Variants in LAMA1 observed in about 807,000 individuals in gnomAD.
The protein encoded by LAMA1 is laminin subunit alpha-1.
A neutral mutation model predicts 348.7 loss-of-function variants in LAMA1; 219 were observed. The observed-to-expected ratio is 0.63, with a 90% CI of 0.56 to 0.70. The LOEUF (loss-of-function observed/expected upper bound fraction) is 0.70. LAMA1 is among the 30% of genes least tolerant of loss of function. The pLI is 0.00. For missense variants in LAMA1, 3,744 were observed against 3,888.0 expected (o/e 0.96, Z 0.99); for synonymous variants, 1,487 against 1,491.0 (o/e 1.00, Z 0.06).
chr18:6,979,091 T>G (rs950558544), intron 42 of LAMA1, among the ~76,000 whole-genome samples: 1 of 152,208 alleles, frequency 6.6e-6, no homozygotes, highest in South Asian at 2.1e-4. Context: ...GGTGGCCTTT[T>G]TACTTTTCCT....
intron 40 of LAMA1, 149 bp from the exon 41 acceptor site, chr18:6,982,739 C>T (rs1279117798): frequency 5.4e-6 from 4 of 740,462 alleles, no homozygotes; most frequent in Non-Finnish European, 7.2e-6. Flanking sequence ...TTTAAAATGG[C>T]TGAGGCAAGA....
Position 7,026,075 on chromosome 18 carries a change from C to T in LAMA1, c.2306G>A (p.Cys769Tyr), listed in dbSNP as rs2057941739. The T allele has an allele frequency of 1.9e-6, 3 of 1,611,470 alleles. No individual in the cohort carries two copies. The highest frequency in any genetic ancestry group is 1.7e-6 in the Non-Finnish European group (2 of 1,178,716). The change falls in exon 17 of 63, where the codon TGT (cysteine) becomes TAT (tyrosine). Residue 769 changes from cysteine (C) to tyrosine (Y), a missense_variant. Around this residue, in one of 3 missense-constraint regions of LAMA1, gnomAD observed 1,529 missense variants for 1,689.4 expected, o/e 0.91. Coordinates refer to ENST00000389658, the MANE Select transcript of LAMA1 (RefSeq NM_005559.4). ...ACAHNTTGVH[C>Y]EQCLPGFYGE... The stretch of plus-strand genomic sequence containing the variant: ...GTAGAAGCCGGGCAAGCACTGCTCA[C>T]AGTGGACGCCGGTGGTGTTGTGCGC...
rs779998675 is a variant in LAMA1 at position 6,943,241 on chromosome 18, A to C, written c.9006T>G (p.Ser3002Arg). The change falls in exon 62 of 63, where the codon AGT becomes AGG. Residue 3002 changes from serine to arginine, a missense_variant. Physicochemically the swap from Ser to Arg is moderately radical, Grantham distance 110. Around this residue, in one of 3 missense-constraint regions of LAMA1, gnomAD observed 232 missense variants for 264.4 expected, o/e 0.88. Coordinates refer to ENST00000389658, the MANE Select transcript of LAMA1 (RefSeq NM_005559.4). ...CCACTGAGGTAGACTGGGTGTGTGG[A>C]CTTTCAGCGCCAACTGCGTTCCCGT... ...IVDGNAVGAE[S>R]PHTQSTSVDT... 6.2e-7 allele frequency: 1 copy of C among 1,614,188 alleles called. No homozygotes were observed. The highest frequency in any genetic ancestry group is 8.5e-7 in the Non-Finnish European group (1 of 1,180,036).
intron 19 of LAMA1, among the ~76,000 whole-genome samples, chr18:7,020,406 A>T (rs1417373538): frequency 6.6e-6 from 1 of 152,058 alleles, no homozygotes; most frequent in Non-Finnish European, 1.5e-5. Flanking sequence ...CACACACAAC[A>T]CCGGCACTTG....
intron 30 of LAMA1, 37 bp downstream of exon 30, chr18:7,002,227 G>T: frequency 6.2e-7 from 1 of 1,606,676 alleles, no homozygotes. Flanking sequence ...GCAGCCCTGG[G>T]CAGCCCAGCA....
At chr18:6,951,100 C>T in intron 57 of LAMA1, 129 bp from the exon 58 acceptor site, 1 of 815,366 alleles carries the variant, frequency 1.2e-6, no homozygotes, top group South Asian at 1.5e-5. Context: ...GTATTCATTC[C>T]TTCATCCATT....
In LAMA1 at chr18:7,065,257, C is replaced by T. The variant is rs995616630; in HGVS notation, c.346-14321G>A. On this transcript the variant is annotated intron_variant, in intron 3 of 62. Transcript: ENST00000389658. ...CAAAAAAAAAAAAAAAAAAAAACAA[C>T]GACTAGCCAAAATTTGATCCAAAAA... 5.1e-5 allele frequency among the ~76,000 whole-genome samples: 7 copies of T among 137,082 alleles called. No individual in the cohort carries two copies. In the East Asian group the frequency reaches 1.3e-3, roughly 25 times the overall value. The allele number at this position is 137,082 out of a possible 152,430, so 89.9% of individuals were successfully genotyped here.
intron 3 of LAMA1, among the ~76,000 whole-genome samples, chr18:7,065,604 G>A (rs1053651270): frequency 6.6e-6 from 1 of 152,040 alleles, no homozygotes; most frequent in African/African-American, 2.4e-5. Context: ...GCACGCACCT[G>A]TAGTCCCAGC....
chr18:6,975,834 T>G, intron 45 of LAMA1, 103 bp downstream of exon 45: 2 of 1,405,182 alleles, frequency 1.4e-6, no homozygotes, highest in Non-Finnish European at 2.0e-6. Context: ...GATTTAGAGA[T>G]TTCACTAAGG....
intron 3 of LAMA1, among the ~76,000 whole-genome samples, chr18:7,053,109 A>G (rs1598298529): frequency 6.6e-6 from 1 of 152,222 alleles, no homozygotes; most frequent in Admixed American, 6.5e-5. Context: ...TATGATTCCA[A>G]CTGTATGACA....
In LAMA1 at chr18:6,949,052, A is replaced by G. The variant is rs201552037; in HGVS notation, c.8556+49T>C. 3.0e-5 allele frequency: 49 copies of G among 1,610,792 alleles called. No homozygotes were observed. The African/African-American group carries it at 6.0e-4, about 20-fold the overall frequency. On this transcript the variant is annotated intron_variant, in intron 59 of 62. Coordinates refer to ENST00000389658, the MANE Select transcript of LAMA1 (RefSeq NM_005559.4). The stretch of plus-strand genomic sequence containing the variant: ...GTGAGGTATGCTCTTCTACAAAATA[A>G]ACACGAACACAACGAAGGTAAAATG...
intron 22 of LAMA1, among the ~76,000 whole-genome samples, chr18:7,015,149 T>C (rs1600394715): frequency 2.0e-5 from 3 of 151,648 alleles, no homozygotes; most frequent in Non-Finnish European, 4.4e-5. Context: ...CACCCAGCCA[T>C]TTTTTGGATT....
rs529739104 is a variant in LAMA1, at chr18:6,992,658, T to G, written c.5071A>C (p.Thr1691Pro). 1 of 1,613,606 alleles carries G rather than the reference T, an allele frequency of 6.2e-7. No individual in the cohort carries two copies. Among genetic ancestry groups the G allele is most frequent in the East Asian group, 2.2e-5 (1 of 44,884 alleles). Residue 1691 changes from threonine (T) to proline (P), a missense_variant, in exon 36 of 63, where the codon ACT (threonine) becomes CCT (proline). This residue lies in a region of LAMA1 where 1,983 missense variants were observed against 1,934.3 expected (regional missense o/e 1.03). Coordinates refer to ENST00000389658, the MANE Select transcript of LAMA1 (RefSeq NM_005559.4). ...LDEDFLLPNS[T>P]LQNMQQNGTS... is the part of the protein sequence containing the mutation. ...CCATTCTGTTGCATGTTCTGAAGAG[T>G]AGAATTGGGTAGTAGGAAATCTTCA...
At position 7,034,507 on chromosome 18, in the gene LAMA1, A is replaced by G. The variant is rs1052574813; in HGVS notation, c.2023T>C (p.Tyr675His). ...NVTHLLIRANYNSAKMALYRL... is the reference protein window; with the variant it reads ...NVTHLLIRANHNSAKMALYRL... ...TAAAGAGCCATTTTTGCAGAATTGTAGTTGGCTCTGATCAAAAGATGTGTC... is the reference window on the plus strand; with the variant it reads ...TAAAGAGCCATTTTTGCAGAATTGTGGTTGGCTCTGATCAAAAGATGTGTC... The change falls in exon 14 of 63, where the codon TAC (tyrosine) becomes CAC (histidine). Residue 675 changes from tyrosine (Y) to histidine (H), a missense_variant. Tyr to His is a moderately conservative substitution (Grantham distance 83). Around this residue, in one of 3 missense-constraint regions of LAMA1, gnomAD observed 1,529 missense variants for 1,689.4 expected, o/e 0.91. Coordinates refer to ENST00000389658, the MANE Select transcript of LAMA1 (RefSeq NM_005559.4). The G allele has an allele frequency of 1.2e-6, 2 of 1,614,146 alleles. No homozygotes were observed. The highest frequency in any genetic ancestry group is 1.7e-6 in the Non-Finnish European group (2 of 1,180,020).
chr18:6,971,758 ACT>A, intron 48 of LAMA1, 97 bp downstream of exon 48: 1 of 1,536,622 alleles, frequency 6.5e-7, no homozygotes. Flanking sequence ...GATATCACAA[ACT>A]CTATTCCTTG....
intron 3 of LAMA1, among the ~76,000 whole-genome samples, chr18:7,066,319 TAAA>T (rs2058122758): frequency 6.6e-6 from 1 of 152,204 alleles, no homozygotes; most frequent in South Asian, 2.1e-4. Context: ...AAGCACTTTA[TAAA>T]ATGCACAATA....
At chr18:7,021,825 T>C in intron 19 of LAMA1, among the ~76,000 whole-genome samples, 1 of 100,336 alleles carries the variant, frequency 1.0e-5, no homozygotes, top group African/African-American at 5.8e-5. Flanking sequence ...ATATATATTA[T>C]ATAATATAAT....
At position 7,013,901 on chromosome 18, in the gene LAMA1, C is replaced by T; in HGVS notation, c.3277G>A (p.Asp1093Asn). 1 of 1,613,570 alleles carries T rather than the reference C, an allele frequency of 6.2e-7. No homozygotes were observed. Among genetic ancestry groups the T allele is most frequent in the Non-Finnish European group, 8.5e-7 (1 of 1,179,684 alleles). ...DFPDCVPCDC[D>N]LRGTSGDACN... is the part of the protein sequence containing the mutation. ...GCGTCCCCCGACGTCCCCCTCAGGT[C>T]ACAGTCACAGGGAACACAGTCGGGA... The change falls in exon 23 of 63, where the codon GAC (aspartate) becomes AAC (asparagine). Residue 1093 changes from aspartate to asparagine, a missense_variant. Asp to Asn is a conservative substitution (Grantham distance 23). This residue lies in a region of LAMA1 where 1,529 missense variants were observed against 1,689.4 expected (regional missense o/e 0.91). Transcript: ENST00000389658.
rs759013345 is a variant in LAMA1, at chr18:6,955,553, C to T, written c.8095-88G>A. The T allele has an allele frequency of 2.1e-5, 18 of 867,658 alleles. No homozygotes were observed. The African/African-American group carries it at 2.5e-4, about 12-fold the overall frequency. 53.7% of individuals were successfully genotyped at this position (867,658 alleles called of 1,614,324 possible). On this transcript the variant is annotated intron_variant, in intron 56 of 62. Coordinates refer to ENST00000389658, the MANE Select transcript of LAMA1 (RefSeq NM_005559.4). The stretch of plus-strand genomic sequence containing the variant: ...GTGTTCCGCCATGAAGGGCCATCTA[C>T]GAAGCAATCCCATTAGAACAGCAAC...
Sources: gnomAD v4.1 joint callset for allele counts (sites outside exome capture counted in the v4.1 genomes callset) on GRCh38, gnomAD v4.1.1 for gene constraint, gnomAD v4.1.1 regional missense constraint, MANE v1.5 for transcripts, NCBI Gene and HGNC (gene_info 2026-07-23, HGNC 2026-07-21) for gene names.